Variants in ELAPOR2 observed in about 807,000 individuals in gnomAD.
ELAPOR2 encodes endosome-lysosome associated apoptosis and autophagy regulator family member 2.
In ELAPOR2, 89 loss-of-function variants were observed where a neutral mutation model predicts 120.7. The observed-to-expected ratio is 0.74, with a 90% CI of 0.62 to 0.88. ELAPOR2 has a LOEUF of 0.88. Ranked by LOEUF, ELAPOR2 falls within the 40% of genes least tolerant of loss-of-function variation. The pLI is 0.00. For missense variants in ELAPOR2, 1,134 were observed against 1,251.6 expected (o/e 0.91, Z 1.42); for synonymous variants, 444 against 444.9 (o/e 1.00, Z 0.03).
intron 1 of ELAPOR2, among the ~76,000 whole-genome samples, chr7:87,055,480 G>A (rs1402449918): frequency 6.6e-6 from 1 of 152,158 alleles, no homozygotes; most frequent in African/African-American, 2.4e-5. Flanking sequence ...CTCATTGCAT[G>A]CTGTACTTCA....
chr7:86,970,103 G>T (rs1792054595), intron 1 of ELAPOR2, among the ~76,000 whole-genome samples: 1 of 152,114 alleles, frequency 6.6e-6, no homozygotes, highest in African/African-American at 2.4e-5. Context: ...ACTCAGATTA[G>T]CTCACATTAG....
intron 1 of ELAPOR2, among the ~76,000 whole-genome samples, chr7:87,018,144 G>A (rs892074707): frequency 4.6e-5 from 7 of 151,880 alleles, no homozygotes; most frequent in Non-Finnish European, 5.9e-5. Context: ...AGGTTTAAAC[G>A]ATTCTCCTGC....
chr7:87,029,660 G>T (rs933018297), intron 1 of ELAPOR2, among the ~76,000 whole-genome samples: 6 of 152,098 alleles, frequency 3.9e-5, no homozygotes, highest in African/African-American at 4.8e-5. Context: ...TTTTCCATAG[G>T]TGTTATGGCA....
chr7:86,939,040 C>A (rs1790690953), intron 6 of ELAPOR2, 80 bp from the exon 7 acceptor site: 2 of 1,503,214 alleles, frequency 1.3e-6, no homozygotes, highest in East Asian at 2.3e-5. Context: ...TGCTTCTACC[C>A]AGAAGTGAGG....
At chr7:86,994,440 A>G (rs1793056088) in intron 1 of ELAPOR2, among the ~76,000 whole-genome samples, 1 of 152,242 alleles carries the variant, frequency 6.6e-6, no homozygotes, top group Non-Finnish European at 1.5e-5. Flanking sequence ...TGCTTAAATC[A>G]TGTGGCAAAA....
chr7:86,961,037 C>T (rs10487060), intron 2 of ELAPOR2, among the ~76,000 whole-genome samples: 42 of 152,104 alleles, frequency 2.8e-4, no homozygotes, highest in African/African-American at 9.2e-4. Context: ...CACATTAATT[C>T]GCTATACTCT....
chr7:86,965,886 T>C, intron 1 of ELAPOR2: 1 of 984,826 alleles, frequency 1.0e-6, no homozygotes, highest in Non-Finnish European at 1.2e-6. Context: ...ACTGTGTCAA[T>C]GACAAGTGAG....
At chr7:87,046,209 G>A (rs1794951362) in intron 1 of ELAPOR2, among the ~76,000 whole-genome samples, 1 of 152,070 alleles carries the variant, frequency 6.6e-6, no homozygotes. Flanking sequence ...ATTTACAATA[G>A]CCATGAATAA....
At chr7:87,024,960 T>C (rs1794194690) in intron 1 of ELAPOR2, among the ~76,000 whole-genome samples, 1 of 150,222 alleles carries the variant, frequency 6.7e-6, no homozygotes, top group Non-Finnish European at 1.5e-5. Flanking sequence ...CTGCCTTACA[T>C]CACTGACCTA....
At chr7:86,934,452 T>G (rs747169667) in intron 8 of ELAPOR2, among the ~76,000 whole-genome samples, 2 of 152,036 alleles carry the variant, frequency 1.3e-5, no homozygotes, top group Non-Finnish European at 2.9e-5. Context: ...TTTAATTCAA[T>G]GTTGCCAAAT....
intron 1 of ELAPOR2, among the ~76,000 whole-genome samples, chr7:86,992,816 A>G (rs1355723230): frequency 6.6e-6 from 1 of 152,232 alleles, no homozygotes; most frequent in Non-Finnish European, 1.5e-5. Flanking sequence ...CTGATTCAAA[A>G]TAGCTAGAAT....
intron 17 of ELAPOR2, 132 bp downstream of exon 17, chr7:86,908,315 T>C (rs1789129649): frequency 3.5e-6 from 2 of 566,116 alleles, no homozygotes; most frequent in South Asian, 2.4e-5. Flanking sequence ...TAGTTGATCT[T>C]CTCTGCCATA....
chr7:87,021,345 C>A (rs528446103), intron 1 of ELAPOR2, among the ~76,000 whole-genome samples: 5 of 152,122 alleles, frequency 3.3e-5, no homozygotes, highest in African/African-American at 1.2e-4. Flanking sequence ...TAGATACACA[C>A]GCATATATAC....
intron 1 of ELAPOR2, among the ~76,000 whole-genome samples, chr7:87,051,777 C>T (rs1795109046): frequency 6.6e-6 from 1 of 152,164 alleles, no homozygotes; most frequent in South Asian, 2.1e-4. Flanking sequence ...AAAACATTTA[C>T]CAAGAAGGCT....
At chr7:86,907,552 A>T in intron 18 of ELAPOR2, 118 bp downstream of exon 18, 1 of 668,826 alleles carries the variant, frequency 1.5e-6, no homozygotes, top group Non-Finnish European at 2.4e-6. Context: ...AAAAAACCCT[A>T]CAGATTGTTC....
At chr7:86,966,062 CGTTT>C (rs546480974) in intron 1 of ELAPOR2, 1 of 574,720 alleles carries the variant, frequency 1.7e-6, no homozygotes, top group South Asian at 7.7e-5. Context: ...TCTGGGTTCC[CGTTT>C]ATTTAACAGT....
chr7:86,982,659 C>G (rs367780153), intron 1 of ELAPOR2, among the ~76,000 whole-genome samples: 2 of 152,142 alleles, frequency 1.3e-5, no homozygotes, highest in African/African-American at 2.4e-5. Flanking sequence ...AAAGGACATC[C>G]ACACCAAAAC....
At chr7:87,037,795 G>A (rs562854421) in intron 1 of ELAPOR2, among the ~76,000 whole-genome samples, 12 of 152,268 alleles carry the variant, frequency 7.9e-5, no homozygotes, top group African/African-American at 2.9e-4. Flanking sequence ...CCTCTTTGAT[G>A]TTATACATGT....
At chr7:86,887,047 C>T (rs1799725062) in intron 21 of ELAPOR2, among the ~76,000 whole-genome samples, 2 of 152,296 alleles carry the variant, frequency 1.3e-5, no homozygotes, top group South Asian at 4.1e-4. Context: ...CTTACTGACT[C>T]AAGCTATTGC....
Sources: gnomAD v4.1 joint callset for allele counts (sites outside exome capture counted in the v4.1 genomes callset) on GRCh38, gnomAD v4.1.1 for gene constraint, MANE v1.5 for transcripts, NCBI Gene and HGNC (gene_info 2026-07-23, HGNC 2026-07-21) for gene names.